Variants in LRFN5 observed in about 807,000 individuals in gnomAD.
The protein encoded by LRFN5 is leucine-rich repeat and fibronectin type-III domain-containing protein 5.
A neutral mutation model predicts 45.6 loss-of-function variants in LRFN5; 24 were observed. The ratio of observed to expected loss-of-function variants is 0.53; its 90% CI spans 0.38 to 0.74. The LOEUF is 0.74. Ranked by LOEUF, LRFN5 falls within the 30% of genes least tolerant of loss-of-function variation. The probability of loss-of-function intolerance (pLI) is 0.00; values close to 1 mark genes in which losing one functional copy is unlikely to be tolerated. For synonymous variants in LRFN5, 340 were observed against 313.8 expected (o/e 1.08, Z -0.88); for missense variants, 776 against 861.5 (o/e 0.90, Z 1.24).
intron 1 of LRFN5, among the ~76,000 whole-genome samples, chr14:41,765,975 G>A (rs190731275): frequency 9.0e-4 from 137 of 152,190 alleles, no homozygotes; most frequent in African/African-American, 2.7e-3. Flanking sequence ...AGTGGAGGCA[G>A]CAGAAATAAT....
chr14:41,868,264 G>A (rs1044372543), intron 2 of LRFN5, among the ~76,000 whole-genome samples: 1 of 151,948 alleles, frequency 6.6e-6, no homozygotes, highest in African/African-American at 2.4e-5. Flanking sequence ...AATAGCAGAT[G>A]ACAAGGTTCT....
At chr14:41,715,511 T>C (rs1447109427) in intron 1 of LRFN5, among the ~76,000 whole-genome samples, 2 of 152,228 alleles carry the variant, frequency 1.3e-5, no homozygotes, top group African/African-American at 2.4e-5. Context: ...AATTTTCAGA[T>C]GGACACTTTT....
At chr14:41,657,934 A>T (rs1880455704) in intron 1 of LRFN5, among the ~76,000 whole-genome samples, 1 of 151,882 alleles carries the variant, frequency 6.6e-6, no homozygotes, top group Non-Finnish European at 1.5e-5. Flanking sequence ...AAAAAGAAAA[A>T]AAAAAAACCT....
intron 2 of LRFN5, among the ~76,000 whole-genome samples, chr14:41,800,682 A>C (rs1887296391): frequency 6.6e-6 from 1 of 151,850 alleles, no homozygotes; most frequent in South Asian, 2.1e-4. Flanking sequence ...TAAAAAAATT[A>C]AATGCAGCAT....
chr14:41,681,590 G>A (rs899699677), intron 1 of LRFN5, among the ~76,000 whole-genome samples: 5 of 151,784 alleles, frequency 3.3e-5, no homozygotes, highest in Non-Finnish European at 5.9e-5. Flanking sequence ...CCAGATGAAC[G>A]AAAGCCAAGG....
chr14:41,782,535 T>A (rs1395822444), intron 2 of LRFN5, among the ~76,000 whole-genome samples: 1 of 152,180 alleles, frequency 6.6e-6, no homozygotes, highest in Non-Finnish European at 1.5e-5. Context: ...CTTGTTGTGA[T>A]GTTTGCTTTG....
chr14:41,656,486 T>G (rs529334546), intron 1 of LRFN5, among the ~76,000 whole-genome samples: 2 of 152,076 alleles, frequency 1.3e-5, no homozygotes, highest in East Asian at 3.9e-4. Flanking sequence ...ATCAGCTTTA[T>G]TGAGCCACTT....
At chr14:41,628,817 G>A (rs922454652) in intron 1 of LRFN5, among the ~76,000 whole-genome samples, 4 of 152,058 alleles carry the variant, frequency 2.6e-5, no homozygotes, top group Admixed American at 6.6e-5. Context: ...AGGAAACTTC[G>A]TGTGCCCTGG....
intron 1 of LRFN5, among the ~76,000 whole-genome samples, chr14:41,652,405 C>T (rs1231414498): frequency 2.6e-5 from 4 of 151,984 alleles, no homozygotes; most frequent in African/African-American, 4.8e-5. Flanking sequence ...GTGGGCTAGG[C>T]GCTGTTCTCA....
rs770307771 is a variant in LRFN5, at chr14:41,898,979, A to G, written c.2142+19A>G. The G allele has an allele frequency of 2.5e-5, 40 of 1,595,754 alleles. No homozygotes were observed. The highest frequency in any genetic ancestry group is 3.2e-5 in the Non-Finnish European group (37 of 1,168,704). On this transcript the variant is annotated intron_variant, in intron 5 of 5. Transcript: ENST00000298119. Reference sequence around the variant, plus strand: ...AACACAGGTGAGATTCTTATTACCTATAACTTACTTCAACACTTAAATGGG... The same window carrying G: ...AACACAGGTGAGATTCTTATTACCTGTAACTTACTTCAACACTTAAATGGG...
At chr14:41,899,029 T>C in intron 5 of LRFN5, 69 bp downstream of exon 5, 3 of 1,244,698 alleles carry the variant, frequency 2.4e-6, no homozygotes, top group South Asian at 2.9e-5. Context: ...AAATTAACTT[T>C]AAGTAATTAG....
At chr14:41,647,173 G>C (rs529676494) in intron 1 of LRFN5, among the ~76,000 whole-genome samples, 1 of 152,160 alleles carries the variant, frequency 6.6e-6, no homozygotes. Context: ...TGTGATTTTA[G>C]TGTATTTGGA....
intron 2 of LRFN5, among the ~76,000 whole-genome samples, chr14:41,835,762 T>G (rs982472645): frequency 1.3e-5 from 2 of 151,664 alleles, no homozygotes; most frequent in African/African-American, 4.8e-5. Context: ...AACTAATGAG[T>G]TAATAAATGA....
intron 1 of LRFN5, among the ~76,000 whole-genome samples, chr14:41,752,557 G>A (rs1885183276): frequency 6.6e-6 from 1 of 152,194 alleles, no homozygotes; most frequent in Admixed American, 6.5e-5. Context: ...GCTGCTAAAT[G>A]TCTTCTTCTG....
At chr14:41,743,944 G>C (rs1419018123) in intron 1 of LRFN5, among the ~76,000 whole-genome samples, 2 of 152,138 alleles carry the variant, frequency 1.3e-5, no homozygotes, top group Non-Finnish European at 2.9e-5. Context: ...AAGGAGTAGA[G>C]ATGTTGTACA....
chr14:41,640,015 G>C (rs1194355723), intron 1 of LRFN5, among the ~76,000 whole-genome samples: 1 of 131,602 alleles, frequency 7.6e-6, no homozygotes, highest in Non-Finnish European at 1.5e-5. Flanking sequence ...GCATAGGCTG[G>C]TCTCAAACTC....
chr14:41,825,128 C>T (rs1888249304), intron 2 of LRFN5, among the ~76,000 whole-genome samples: 1 of 152,150 alleles, frequency 6.6e-6, no homozygotes, highest in South Asian at 2.1e-4. Context: ...GGAACTCTGC[C>T]GCTCCATGTA....
chr14:41,892,395 C>T (rs1276969839), intron 4 of LRFN5: 2 of 984,938 alleles, frequency 2.0e-6, no homozygotes, highest in Non-Finnish European at 1.2e-6. Flanking sequence ...GACATAGCAG[C>T]AGTGCCTTTC....
chr14:41,694,833 A>G (rs1269716786), intron 1 of LRFN5, among the ~76,000 whole-genome samples: 1 of 151,988 alleles, frequency 6.6e-6, no homozygotes, highest in Non-Finnish European at 1.5e-5. Context: ...AAACATTCCC[A>G]TACAAGATAA....
Sources: allele counts gnomAD v4.1 joint callset (sites outside exome capture counted in the v4.1 genomes callset), GRCh38; gene constraint gnomAD v4.1.1; transcripts MANE v1.5; gene names NCBI Gene and HGNC (gene_info 2026-07-23, HGNC 2026-07-21).